Variants in PTPRM observed in about 807,000 individuals in gnomAD.
PTPRM encodes receptor-type tyrosine-protein phosphatase mu.
Under a neutral mutation model 186.7 loss-of-function variants are expected in PTPRM, and 47 were observed. That is an observed-to-expected ratio of 0.25 (90% CI 0.20 to 0.32). The LOEUF (loss-of-function observed/expected upper bound fraction) is 0.32, where lower values mean the gene tolerates loss of function less well. Ranked by LOEUF, PTPRM falls within the 10% of genes least tolerant of loss-of-function variation. PTPRM has a pLI of 1.00. For synonymous variants in PTPRM, 668 were observed against 674.9 expected (o/e 0.99, Z 0.16); for missense variants, 1,494 against 1,865.0 (o/e 0.80, Z 3.66).
At chr18:7,907,028 G>T (rs564710382) in intron 4 of PTPRM, among the ~76,000 whole-genome samples, 2 of 152,226 alleles carry the variant, frequency 1.3e-5, no homozygotes, top group Non-Finnish European at 2.9e-5. Context: ...TCAAATAAAA[G>T]ACACCTACCT....
At chr18:8,384,351 G>A (rs1568877737) in intron 29 of PTPRM, among the ~76,000 whole-genome samples, 1 of 152,098 alleles carries the variant, frequency 6.6e-6, no homozygotes, top group Non-Finnish European at 1.5e-5. Flanking sequence ...CCAGCTACTT[G>A]AGAGGTTTAG....
At chr18:8,119,221 C>T (rs116975721) in intron 13 of PTPRM, among the ~76,000 whole-genome samples, 303 of 152,024 alleles carry the variant, frequency 2.0e-3, no homozygotes, top group Non-Finnish European at 3.4e-3. Context: ...TTTCCATTGT[C>T]CTGATATAAT....
chr18:8,264,111 A>T (rs1469802720), intron 19 of PTPRM, among the ~76,000 whole-genome samples: 1 of 152,140 alleles, frequency 6.6e-6, no homozygotes. Flanking sequence ...GAGGAAACAG[A>T]GTTGATGTCC....
At chr18:8,171,453 G>C (rs2093399384) in intron 14 of PTPRM, among the ~76,000 whole-genome samples, 1 of 152,168 alleles carries the variant, frequency 6.6e-6, no homozygotes, top group South Asian at 2.1e-4. Context: ...GTGGGACTAT[G>C]AGAAATGAGG....
At position 7,783,748 on chromosome 18, in the gene PTPRM, T is replaced by TTGTGTGTG. The variant is rs60314284; in HGVS notation, c.196+9495_196+9502dup. Among the ~76,000 whole-genome samples the TTGTGTGTG allele has an allele frequency of 1.3e-3, 191 of 146,722 alleles. 2 individuals carry two copies. The highest frequency in any genetic ancestry group is 3.4e-3 in the Middle Eastern group (1 of 290). On this transcript the variant is annotated intron_variant, in intron 2 of 32. Coordinates refer to ENST00000580170, the MANE Select transcript of PTPRM (RefSeq NM_001105244.2). ...CACCATGCCTGGCTAATTTTTAATTTTGTGTGTGTGTGTGTGTGTGTGTGT... is the reference window on the plus strand; with the variant it reads ...CACCATGCCTGGCTAATTTTTAATTTTGTGTGTGTGTGTGTGTGTGTGTGTGTGTGTGT...
chr18:8,043,969 G>C (rs1337116403), intron 7 of PTPRM, among the ~76,000 whole-genome samples: 1 of 152,142 alleles, frequency 6.6e-6, no homozygotes, highest in African/African-American at 2.4e-5. Context: ...CAGAGACCGG[G>C]CTTCTGCACC....
At chr18:8,097,953 C>T (rs924676345) in intron 11 of PTPRM, among the ~76,000 whole-genome samples, 4 of 152,192 alleles carry the variant, frequency 2.6e-5, no homozygotes, top group African/African-American at 9.7e-5. Flanking sequence ...TATTATAATA[C>T]TGTCTTTTCA....
intron 1 of PTPRM, among the ~76,000 whole-genome samples, chr18:7,649,202 C>A (rs1288228324): frequency 2.6e-5 from 4 of 152,084 alleles, no homozygotes; most frequent in African/African-American, 9.7e-5. Context: ...CTGTTGAGAT[C>A]TACTACTCAG....
intron 22 of PTPRM, among the ~76,000 whole-genome samples, chr18:8,323,078 C>A (rs1362235792): frequency 2.6e-5 from 4 of 152,156 alleles, no homozygotes; most frequent in Non-Finnish European, 5.9e-5. Flanking sequence ...AGCCTCCCAC[C>A]GTGGCCTCCC....
chr18:7,778,574 G>A (rs2042702665), intron 2 of PTPRM, among the ~76,000 whole-genome samples: 1 of 151,982 alleles, frequency 6.6e-6, no homozygotes, highest in South Asian at 2.1e-4. Context: ...TTCCCGCCCT[G>A]GTTCAAGCGA....
In PTPRM at chr18:8,381,507, T is replaced by C. The variant is rs138918357; in HGVS notation, c.3918+1080T>C. ...AATTCAGTTCTATAAGGTTTTTAAT[T>C]ATGTCTGAGGCACTGCATTATATTG... On this transcript the variant is annotated intron_variant, in intron 29 of 32. Coordinates refer to ENST00000580170, the MANE Select transcript of PTPRM (RefSeq NM_001105244.2). Among the ~76,000 whole-genome samples, 498 of 152,332 alleles carry C rather than the reference T, an allele frequency of 3.3e-3. 7 individuals are homozygous for C. The highest frequency in any genetic ancestry group is 0.011 in the African/African-American group (477 of 41,582).
At chr18:7,768,101 G>T (rs1428242135) in intron 1 of PTPRM, among the ~76,000 whole-genome samples, 3 of 152,134 alleles carry the variant, frequency 2.0e-5, no homozygotes, top group Non-Finnish European at 2.9e-5. Flanking sequence ...AATCAGTATT[G>T]CTTTGGAGCA....
At chr18:7,923,008 C>T (rs1599528744) in intron 4 of PTPRM, among the ~76,000 whole-genome samples, 1 of 152,242 alleles carries the variant, frequency 6.6e-6, no homozygotes, top group East Asian at 1.9e-4. Context: ...TGTCTCTAGC[C>T]TCTGCTTTCT....
At chr18:8,264,184 G>A (rs1373223929) in intron 19 of PTPRM, among the ~76,000 whole-genome samples, 1 of 152,170 alleles carries the variant, frequency 6.6e-6, no homozygotes, top group Non-Finnish European at 1.5e-5. Context: ...TTCTGTGCTG[G>A]GCTGAATGTG....
chr18:8,032,064 A>C (rs1568218177), intron 7 of PTPRM, among the ~76,000 whole-genome samples: 1 of 152,244 alleles, frequency 6.6e-6, no homozygotes, highest in South Asian at 2.1e-4. Flanking sequence ...ATCGTTGTTC[A>C]TAGTATTCTC....
chr18:8,379,573 A>G (rs901709893), intron 28 of PTPRM, among the ~76,000 whole-genome samples: 1 of 152,218 alleles, frequency 6.6e-6, no homozygotes, highest in Non-Finnish European at 1.5e-5. Flanking sequence ...AGCATGGCAC[A>G]GTTGCCCTCT....
intron 1 of PTPRM, among the ~76,000 whole-genome samples, chr18:7,669,930 G>T (rs985165880): frequency 5.9e-5 from 9 of 151,980 alleles, no homozygotes; most frequent in African/African-American, 2.2e-4. Context: ...TTTTAGTAGA[G>T]AAAGGGTTTC....
intron 7 of PTPRM, among the ~76,000 whole-genome samples, chr18:7,985,312 CACATAAATATATACATATAA>C (rs2082876021): frequency 9.4e-6 from 1 of 106,904 alleles, no homozygotes; most frequent in Non-Finnish European, 1.9e-5. Flanking sequence ...ATAGTATATA[CACATAAATATATACATATAA>C]TTGTATATAC....
chr18:8,010,457 G>A (rs762477356), intron 7 of PTPRM, among the ~76,000 whole-genome samples: 1 of 152,164 alleles, frequency 6.6e-6, no homozygotes, highest in Non-Finnish European at 1.5e-5. Flanking sequence ...AAACCACTGA[G>A]TTTTGTTTTC....
Sources: allele counts gnomAD v4.1 joint callset (sites outside exome capture counted in the v4.1 genomes callset), GRCh38; gene constraint gnomAD v4.1.1; transcripts MANE v1.5; gene names NCBI Gene and HGNC (gene_info 2026-07-23, HGNC 2026-07-21).